Variants in ALG13 observed in about 807,000 individuals in gnomAD.
The protein encoded by ALG13 is ALG13 UDP-N-acetylglucosaminyltransferase subunit, also known as UDP-N-acetylglucosamine transferase subunit ALG13.
ALG13 carries 11 observed loss-of-function variants against 87.8 expected under a neutral mutation model. The ratio of observed to expected loss-of-function variants is 0.13; its 90% CI spans 0.08 to 0.21. ALG13 has a LOEUF of 0.21. Ranked by LOEUF, ALG13 falls within the 10% of genes least tolerant of loss-of-function variation. The pLI is 1.00. For synonymous variants in ALG13, 320 were observed against 306.3 expected, an observed-to-expected ratio of 1.04 and a Z score of -0.47; for missense variants, 756 against 866.1, an observed-to-expected ratio of 0.87 and a Z score of 1.60.
At chrX:111,727,099 T>C (rs557740841) in intron 16 of ALG13, 44 bp downstream of exon 16, 2 of 1,184,183 alleles carry the variant, frequency 1.7e-6, no homozygotes, top group Non-Finnish European at 1.1e-6. Context: ...TAGGGAAATA[T>C]GAAGCAATTG....
intron 3 of ALG13, among the ~76,000 whole-genome samples, chrX:111,687,402 G>A (rs1396467016): frequency 8.9e-6 from 1 of 112,679 alleles, no homozygotes; most frequent in African/African-American, 3.2e-5. Context: ...ACATGGTGGT[G>A]TGGTATATTG....
intron 26 of ALG13, 113 bp downstream of exon 26, chrX:111,757,875 A>C: frequency 8.7e-4 from 619 of 713,439 alleles, no homozygotes; most frequent in Non-Finnish European, 1.1e-3. Flanking sequence ...AGTGATTCTC[A>C]AAGCATGATA....
At chrX:111,755,427 T>A in intron 25 of ALG13, among the ~76,000 whole-genome samples, 1 of 111,695 alleles carries the variant, frequency 9.0e-6, no homozygotes, top group African/African-American at 3.3e-5. Context: ...AAACTAAAAT[T>A]GACAAGTGGG....
chrX:111,737,247 T>C (rs1287425880), intron 23 of ALG13, among the ~76,000 whole-genome samples: 1 of 111,961 alleles, frequency 8.9e-6, no homozygotes, highest in East Asian at 2.8e-4. Flanking sequence ...TCCTTTGTAA[T>C]GAATAATTGT....
chrX:111,752,716 A>G, intron 24 of ALG13, 74 bp from the exon 25 acceptor site: 1 of 800,028 alleles, frequency 1.2e-6, no homozygotes, highest in Non-Finnish European at 1.8e-6. Flanking sequence ...GTGCCCAGCC[A>G]GAAAAGCTTT....
intron 26 of ALG13, 107 bp downstream of exon 26, chrX:111,757,869 A>G: frequency 1.3e-6 from 1 of 771,543 alleles, no homozygotes; most frequent in Non-Finnish European, 1.9e-6. Flanking sequence ...TACACCAGTG[A>G]TTCTCAAAGC....
In ALG13 at chrX:111,708,947, T is replaced by C; in HGVS notation, c.751-18T>C. On this transcript the variant is annotated intron_variant, in intron 4 of 26. Coordinates refer to ENST00000394780, the MANE Select transcript of ALG13 (RefSeq NM_001099922.3). ...TAAATGACTACTGACAGTGGGCTGGTCTTTCTCTTCTTTTTAGTTGTTTTG... is the reference window on the plus strand; with the variant it reads ...TAAATGACTACTGACAGTGGGCTGGCCTTTCTCTTCTTTTTAGTTGTTTTG... 8.9e-7 allele frequency: 1 copy of C among 1,125,230 alleles called. No homozygotes were observed. Among genetic ancestry groups the C allele is most frequent in the Non-Finnish European group, 1.2e-6 (1 of 832,241 alleles). The allele number at this position is 1,125,230 out of a possible 1,213,427, so 92.7% of individuals were successfully genotyped here.
At chrX:111,708,606 T>C (rs1939184846) in intron 4 of ALG13, among the ~76,000 whole-genome samples, 1 of 111,822 alleles carries the variant, frequency 8.9e-6, no homozygotes, top group Non-Finnish European at 1.9e-5. Flanking sequence ...CTATCTTTTC[T>C]GTTTTTTTAA....
intron 6 of ALG13, among the ~76,000 whole-genome samples, chrX:111,712,087 C>G (rs936524317): frequency 2.9e-4 from 32 of 111,873 alleles, no homozygotes; most frequent in Non-Finnish European, 1.1e-4. Context: ...TTGTCTTCCT[C>G]TTATGTGGGA....
chrX:111,682,152 C>T lies in ALG13; in HGVS notation c.102C>T (p.Tyr34=). 8.4e-7 allele frequency: 1 copy of T among 1,188,387 alleles called. No homozygotes were observed. Among genetic ancestry groups the T allele is most frequent in the Non-Finnish European group, 1.1e-6 (1 of 885,798 alleles). Residue 34 remains tyrosine, a synonymous_variant, in exon 2 of 27, where the codon TAC becomes TAT. Coordinates refer to ENST00000394780, the MANE Select transcript of ALG13 (RefSeq NM_001099922.3). ...TTCAGAAAATCGAGAGCCTTGGTTA[C>T]AACCGACTTATCCTGCAAATTGGTA... The part of the protein sequence containing the change: ...DSLQKIESLG[Y]NRLILQIGRG...
At position 111,744,799 on chromosome X, in the gene ALG13, C is replaced by G. The variant is rs887315764; in HGVS notation, c.2827C>G (p.Pro943Ala). 3.5e-6 allele frequency: 4 copies of G among 1,139,457 alleles called. No homozygotes were observed. The allele number at this position is 1,139,457 out of a possible 1,213,427, so 93.9% of individuals were successfully genotyped here. A position where few individuals can be genotyped will look rare whatever the true frequency, so the allele number is the denominator to read the frequency against. ...PPPPPPPPPP[P>A]PPALDVGETS... ...TCCTCCTCCTCCTCCTCCTCCTCCTCCTCCTCCTGCTCTTGATGTGGGAGA... is the reference window on the plus strand; with the variant it reads ...TCCTCCTCCTCCTCCTCCTCCTCCTGCTCCTCCTGCTCTTGATGTGGGAGA... Residue 943 changes from proline to alanine, a missense_variant, in exon 24 of 27, where the codon CCT becomes GCT. This residue lies in a region of ALG13 where 362 missense variants were observed against 383.5 expected (regional missense o/e 0.94). Transcript: ENST00000394780.
At chrX:111,707,986 C>T (rs1939078864) in intron 3 of ALG13, 41 bp from the exon 4 acceptor site, 2 of 1,167,551 alleles carry the variant, frequency 1.7e-6, no homozygotes, top group Non-Finnish European at 1.1e-6. Context: ...GTCTGAGTTC[C>T]CTATTCCTAG....
Position 111,711,688 on chromosome X carries a change from C to G in ALG13, c.848C>G (p.Ser283Cys), listed in dbSNP as rs1166461455. 8.3e-7 allele frequency: 1 copy of G among 1,206,710 alleles called. No individual in the cohort carries two copies. Among genetic ancestry groups the G allele is most frequent in the African/African-American group, 1.7e-5 (1 of 57,154 alleles). The change falls in exon 6 of 27, where the codon TCT (serine) becomes TGT (cysteine). Residue 283 changes from serine to cysteine, a missense_variant. Transcript: ENST00000394780. The part of the protein sequence containing the change: ...QQTFESYVEG[S>C]FEKYLERLGD... ...TTATTTTTGAAGTATGTGGAGGGAT[C>G]TTTTGAGAAATACCTGGAACGGTTG... is the stretch of plus-strand genomic sequence containing the variant.
intron 23 of ALG13, among the ~76,000 whole-genome samples, chrX:111,742,702 TGC>T (rs1002932876): frequency 1.8e-5 from 2 of 112,313 alleles, no homozygotes; most frequent in African/African-American, 6.5e-5. Context: ...CCTTAAATTT[TGC>T]ACTGGAGCAT....
intron 3 of ALG13, chrX:111,689,054 A>G: frequency 1.4e-6 from 1 of 700,206 alleles, no homozygotes; most frequent in Non-Finnish European, 1.7e-6. Flanking sequence ...TCATGTTTTT[A>G]TAGGTTTATT....
rs768957017 is a variant in ALG13, at chrX:111,681,562, G to C, written c.81+263G>C. 5.2e-6 allele frequency: 5 copies of C among 954,903 alleles called. No homozygotes were observed. In the African/African-American group the frequency reaches 1.0e-4, roughly 19 times the overall value. 78.7% of individuals were successfully genotyped at this position (954,903 alleles called of 1,213,427 possible). A position where few individuals can be genotyped will look rare whatever the true frequency, so the allele number is the denominator to read the frequency against. On this transcript the variant is annotated intron_variant, in intron 1 of 26. Coordinates refer to ENST00000394780, the MANE Select transcript of ALG13 (RefSeq NM_001099922.3). ...CCTCATTTCTTCAGCTCCTTTTCCGGTCTGCCCCCGCGCTCTATTCTCCGC... is the reference window on the plus strand; with the variant it reads ...CCTCATTTCTTCAGCTCCTTTTCCGCTCTGCCCCCGCGCTCTATTCTCCGC...
chrX:111,757,297 T>C (rs910428086), intron 25 of ALG13: 2 of 219,253 alleles, frequency 9.1e-6, no homozygotes, highest in African/African-American at 5.8e-5. Flanking sequence ...TGTGCAATGT[T>C]TTTTGCTTTT....
intron 24 of ALG13, among the ~76,000 whole-genome samples, chrX:111,745,456 T>C (rs1292781502): frequency 9.0e-6 from 1 of 111,202 alleles, no homozygotes; most frequent in South Asian, 3.8e-4. Flanking sequence ...CTCAAGAGAA[T>C]TATAGTTGAG....
chrX:111,700,149 A>G (rs369305665), intron 3 of ALG13, among the ~76,000 whole-genome samples: 1 of 100,852 alleles, frequency 9.9e-6, no homozygotes, highest in African/African-American at 3.7e-5. Flanking sequence ...TGCTATTGCT[A>G]TTGTAAATGG....
Sources: gnomAD v4.1 joint callset for allele counts (sites outside exome capture counted in the v4.1 genomes callset) on GRCh38, gnomAD v4.1.1 for gene constraint, gnomAD v4.1.1 regional missense constraint, MANE v1.5 for transcripts, NCBI Gene and HGNC (gene_info 2026-07-23, HGNC 2026-07-21) for gene names.